Variants in BICRA observed in about 807,000 individuals in gnomAD.
BICRA encodes BRD4-interacting chromatin-remodeling complex-associated protein.
BICRA carries 31 observed loss-of-function variants against 96.9 expected under a neutral mutation model. The ratio of observed to expected loss-of-function variants is 0.32; its 90% CI spans 0.24 to 0.43. The LOEUF is 0.43. Ranked by LOEUF, BICRA falls within the 20% of genes least tolerant of loss-of-function variation. The probability of loss-of-function intolerance (pLI) is 1.00; values close to 1 mark genes in which losing one functional copy is unlikely to be tolerated. For synonymous variants in BICRA, 1,350 were observed against 1,071.8 expected, an observed-to-expected ratio of 1.26 and a Z score of -5.07; for missense variants, 2,283 against 2,190.3, an observed-to-expected ratio of 1.04 and a Z score of -0.84.
At chr19:47,625,242 T>C (rs566615816) in intron 1 of BICRA, among the ~76,000 whole-genome samples, 1 of 151,592 alleles carries the variant, frequency 6.6e-6, no homozygotes, top group Admixed American at 6.6e-5. Flanking sequence ...TCCAGTGATT[T>C]GCCCTCCTCA....
intron 1 of BICRA, among the ~76,000 whole-genome samples, chr19:47,658,737 G>T (rs1010239551): frequency 1.3e-5 from 2 of 151,764 alleles, no homozygotes; most frequent in South Asian, 4.2e-4. Flanking sequence ...CATTAGAAAT[G>T]CAGAGTCTCA....
chr19:47,648,316 C>T lies in BICRA; in HGVS notation c.-107-22127C>T, dbSNP rs376104028. On this transcript the variant is annotated intron_variant, in intron 1 of 14. Transcript: ENST00000594866. ...TTCTGGTCGGCCTGTGGATGTGTCC[C>T]GGTCAGGCCTAGGTCAGGCGCCTGA... 2.4e-4 allele frequency among the ~76,000 whole-genome samples: 37 copies of T among 152,064 alleles called. No individual in the cohort carries two copies. The South Asian group carries it at 7.3e-3, about 30-fold the overall frequency.
Position 47,679,869 on chromosome 19 carries a change from GC to G in BICRA, c.702del (p.Ile235SerfsTer39). ...GATAATLGLAPIQVVGQPVMA... is the reference protein window; with the variant it reads ...GATAATLGLAXIQVVGQPVMA... ...CCACGGCGGCCACACTGGGCCTGGC[GC>G]CCATCCAGGTGGTGGGCCAGCCCGT... On this transcript the variant is annotated frameshift_variant, in exon 6 of 15. Transcript: ENST00000594866. LOFTEE classifies it high-confidence loss of function. 6.6e-7 allele frequency: 1 copy of G among 1,515,328 alleles called. No homozygotes were observed. Among genetic ancestry groups the G allele is most frequent in the South Asian group, 1.2e-5 (1 of 81,380 alleles). The allele number at this position is 1,515,328 out of a possible 1,614,324, so 93.9% of individuals were successfully genotyped here.
chr19:47,695,875 AGGGTGAGAG>A (rs1197688866), intron 10 of BICRA, among the ~76,000 whole-genome samples: 1 of 151,920 alleles, frequency 6.6e-6, no homozygotes, highest in Non-Finnish European at 1.5e-5. Flanking sequence ...CGAGAATGAA[AGGGTGAGAG>A]GGTGGGGACA....
At position 47,695,055 on chromosome 19, in the gene BICRA, C is replaced by G; in HGVS notation, c.3051C>G (p.Pro1017=). Residue 1017 remains proline (P), a synonymous_variant, in exon 9 of 15, where the codon CCC becomes CCG. Transcript: ENST00000594866. ...CCCCCACTGCCCCCAGCCACGCCCC[C>G]GCCCCGGCACCCATGGCCGCCACAG... ...SGTPTAPSHA[P]APAPMAATGL... The G allele has an allele frequency of 2.7e-6, 4 of 1,497,848 alleles. No homozygotes were observed. The highest frequency in any genetic ancestry group is 2.6e-5 in the Admixed American group (1 of 38,104). The allele number at this position is 1,497,848 out of a possible 1,614,324, so 92.8% of individuals were successfully genotyped here.
chr19:47,616,951 C>T (rs1467975356), intron 1 of BICRA, among the ~76,000 whole-genome samples: 1 of 151,888 alleles, frequency 6.6e-6, no homozygotes, highest in Non-Finnish European at 1.5e-5. Context: ...GTCTCAGCCT[C>T]CCGAGTAGCT....
intron 10 of BICRA, among the ~76,000 whole-genome samples, chr19:47,695,866 G>A (rs572303111): frequency 1.3e-5 from 2 of 152,056 alleles, no homozygotes; most frequent in South Asian, 2.1e-4. Flanking sequence ...ATCAGGGACC[G>A]AGAATGAAAG....
chr19:47,682,226 C>G lies in BICRA; in HGVS notation c.2283+74C>G, dbSNP rs540367541. 3 of 649,548 alleles carry G rather than the reference C, an allele frequency of 4.6e-6. No individual in the cohort carries two copies. In the African/African-American group the frequency reaches 5.5e-5, roughly 12 times the overall value. 40.2% of individuals were successfully genotyped at this position (649,548 alleles called of 1,614,324 possible). ...CCCTCCTGCCCGCTCTCCCGCTCCT[C>G]GCTCTCCGCCCTGCCTGCGTCTCTG... On this transcript the variant is annotated intron_variant, in intron 7 of 14. Coordinates refer to ENST00000594866, the MANE Select transcript of BICRA (RefSeq NM_001394372.1).
intron 7 of BICRA, among the ~76,000 whole-genome samples, chr19:47,683,601 T>C (rs889503814): frequency 1.9e-4 from 29 of 151,878 alleles, no homozygotes; most frequent in Admixed American, 1.9e-3. Flanking sequence ...TTTTTTTTTT[T>C]TGAGATGGAG....
chr19:47,610,643 C>T (rs1363495768), intron 1 of BICRA, among the ~76,000 whole-genome samples: 2 of 151,448 alleles, frequency 1.3e-5, no homozygotes, highest in African/African-American at 4.9e-5. Flanking sequence ...CTACCCACCC[C>T]ATAGTATAAT....
At chr19:47,689,703 C>T (rs891465291) in intron 7 of BICRA, among the ~76,000 whole-genome samples, 6 of 152,270 alleles carry the variant, frequency 3.9e-5, no homozygotes, top group Non-Finnish European at 8.8e-5. Context: ...CGTGAGCCAC[C>T]ACGCCTGGCC....
chr19:47,685,786 T>TGCGCGCGCGCGC lies in BICRA; in HGVS notation c.2283+3637_2283+3648dup, dbSNP rs67811590. ...GTGTGTGTGTGTGTGTGTGTGTGTG[T>TGCGCGCGCGCGC]GCGCGCGCGCGCGCATGCGTACATT... On this transcript the variant is annotated intron_variant, in intron 7 of 14. Coordinates refer to ENST00000594866, the MANE Select transcript of BICRA (RefSeq NM_001394372.1). 1.1e-3 allele frequency among the ~76,000 whole-genome samples: 133 copies of TGCGCGCGCGCGC among 117,934 alleles called. 1 individual carries two copies. The highest frequency in any genetic ancestry group is 5.6e-3 in the East Asian group (16 of 2,866). 77.4% of individuals were successfully genotyped at this position (117,934 alleles called of 152,430 possible).
intron 1 of BICRA, among the ~76,000 whole-genome samples, chr19:47,613,589 C>T (rs903121519): frequency 6.6e-6 from 1 of 152,156 alleles, no homozygotes; most frequent in Non-Finnish European, 1.5e-5. Flanking sequence ...CCTGCTCCCC[C>T]AGCAGAAGAA....
At chr19:47,691,402 G>A (rs1973239249) in intron 7 of BICRA, among the ~76,000 whole-genome samples, 1 of 152,164 alleles carries the variant, frequency 6.6e-6, no homozygotes, top group African/African-American at 2.4e-5. Flanking sequence ...AGGAGGTGAG[G>A]ATTGTTGGTG....
At chr19:47,617,729 C>T (rs546110782) in intron 1 of BICRA, among the ~76,000 whole-genome samples, 44 of 151,642 alleles carry the variant, frequency 2.9e-4, no homozygotes, top group African/African-American at 9.7e-4. Context: ...CACAACCACC[C>T]CTGTGTAACC....
At chr19:47,658,634 A>G (rs894019483) in intron 1 of BICRA, among the ~76,000 whole-genome samples, 4 of 73,994 alleles carry the variant, frequency 5.4e-5, no homozygotes, top group Admixed American at 2.4e-4. Context: ...TTCGTCTCAA[A>G]AAAAAAAAAA....
At chr19:47,625,888 G>A (rs933345140) in intron 1 of BICRA, among the ~76,000 whole-genome samples, 1 of 152,120 alleles carries the variant, frequency 6.6e-6, no homozygotes, top group Non-Finnish European at 1.5e-5. Flanking sequence ...TGGTAGTTAG[G>A]GAGAGCTCTG....
Position 47,676,117 on chromosome 19 carries a change from C to T in BICRA, c.150+201C>T, listed in dbSNP as rs539300727. Among the ~76,000 whole-genome samples, 35 of 152,232 alleles carry T rather than the reference C, an allele frequency of 2.3e-4. No homozygotes were observed. The South Asian group carries it at 7.1e-3, about 31-fold the overall frequency. ...GCTGGGGAACCCTGTGGGGGGCCAA[C>T]ATGGACAAGGCTGACTGTGCCTTGC... On this transcript the variant is annotated intron_variant, in intron 5 of 14. Transcript: ENST00000594866.
At chr19:47,673,658 C>T (rs754519998) in intron 3 of BICRA, 43 bp downstream of exon 3, 3 of 1,523,304 alleles carry the variant, frequency 2.0e-6, no homozygotes, top group Non-Finnish European at 2.7e-6. Flanking sequence ...GTCTCAACCC[C>T]CTCCCTTCCC....
Sources: allele counts gnomAD v4.1 joint callset (sites outside exome capture counted in the v4.1 genomes callset), GRCh38; gene constraint gnomAD v4.1.1; transcripts MANE v1.5; gene names NCBI Gene and HGNC (gene_info 2026-07-23, HGNC 2026-07-21).